ERBB4: variants seen among roughly 807,000 people sequenced by gnomAD.
ERBB4 encodes erb-b2 receptor tyrosine kinase 4, also known as receptor tyrosine-protein kinase erbB-4.
A neutral mutation model predicts 158.0 loss-of-function variants in ERBB4; 42 were observed. That is an observed-to-expected ratio of 0.27 (90% CI 0.21 to 0.34). The LOEUF (loss-of-function observed/expected upper bound fraction) is 0.34, where lower values mean the gene tolerates loss of function less well. ERBB4 is among the 10% of genes least tolerant of loss of function. The probability of loss-of-function intolerance (pLI) is 1.00; values close to 1 mark genes in which losing one functional copy is unlikely to be tolerated. For missense variants in ERBB4, 1,333 were observed against 1,624.1 expected, an observed-to-expected ratio of 0.82 and a Z score of 3.08; for synonymous variants, 583 against 558.7, an observed-to-expected ratio of 1.04 and a Z score of -0.61.
intron 20 of ERBB4, among the ~76,000 whole-genome samples, chr2:211,539,608 T>C (rs898513042): frequency 1.3e-5 from 2 of 152,012 alleles, no homozygotes; most frequent in African/African-American, 4.8e-5. Flanking sequence ...CTGCCTTCTA[T>C]AATATTCAAG....
intron 1 of ERBB4, among the ~76,000 whole-genome samples, chr2:212,299,253 T>A (rs892306737): frequency 6.6e-6 from 1 of 151,648 alleles, no homozygotes. Context: ...CAGCTCATAA[T>A]GACACCAATT....
intron 1 of ERBB4, among the ~76,000 whole-genome samples, chr2:212,498,687 T>C (rs1230211035): frequency 2.0e-5 from 3 of 152,100 alleles, no homozygotes; most frequent in Non-Finnish European, 4.4e-5. Flanking sequence ...TTAGACATTT[T>C]GGGAAATACA....
chr2:211,469,720 G>A (rs75344028), intron 20 of ERBB4, among the ~76,000 whole-genome samples: 2,011 of 152,206 alleles, frequency 0.013, 22 homozygotes, highest in Non-Finnish European at 0.021. Context: ...TAACTAAATC[G>A]CATCTTAGTC....
At chr2:212,146,045 C>T (rs2080660858) in intron 1 of ERBB4, among the ~76,000 whole-genome samples, 1 of 152,136 alleles carries the variant, frequency 6.6e-6, no homozygotes, top group African/African-American at 2.4e-5. Context: ...TTACTCCTCC[C>T]TTTCTCATAA....
intron 1 of ERBB4, among the ~76,000 whole-genome samples, chr2:212,239,085 G>C (rs978655594): frequency 1.3e-5 from 2 of 152,162 alleles, no homozygotes; most frequent in African/African-American, 4.8e-5. Context: ...ATAGGGTCTT[G>C]CTCTGTTGCC....
chr2:212,412,530 G>A (rs1441213554), intron 1 of ERBB4, among the ~76,000 whole-genome samples: 2 of 152,164 alleles, frequency 1.3e-5, no homozygotes, highest in African/African-American at 4.8e-5. Flanking sequence ...CAGAAGCTGA[G>A]CAGATGCCAG....
At chr2:212,528,907 T>C (rs2106336036) in intron 1 of ERBB4, among the ~76,000 whole-genome samples, 1 of 152,356 alleles carries the variant, frequency 6.6e-6, no homozygotes, top group African/African-American at 2.4e-5. Context: ...TTGTCTATTT[T>C]AAGATACTGA....
At chr2:212,207,478 A>T (rs1343607684) in intron 1 of ERBB4, among the ~76,000 whole-genome samples, 1 of 152,242 alleles carries the variant, frequency 6.6e-6, no homozygotes, top group Non-Finnish European at 1.5e-5. Context: ...TACACAACAT[A>T]TTAAGAGTGA....
intron 20 of ERBB4, among the ~76,000 whole-genome samples, chr2:211,466,027 C>T (rs1263993379): frequency 6.6e-6 from 1 of 152,106 alleles, no homozygotes; most frequent in East Asian, 1.9e-4. Flanking sequence ...TGTTTGGAAG[C>T]ATTTTGTCAT....
chr2:212,141,235 A>G (rs1478354315), intron 1 of ERBB4, among the ~76,000 whole-genome samples: 1 of 151,978 alleles, frequency 6.6e-6, no homozygotes, highest in Non-Finnish European at 1.5e-5. Flanking sequence ...TTATATTAGA[A>G]GTCCATGACA....
At chr2:211,819,310 T>G (rs2076942771) in intron 3 of ERBB4, among the ~76,000 whole-genome samples, 1 of 151,918 alleles carries the variant, frequency 6.6e-6, no homozygotes, top group Non-Finnish European at 1.5e-5. Context: ...TAGAAAACAC[T>G]AACTAAATTA....
At chr2:212,139,366 T>C (rs2080371218) in intron 1 of ERBB4, among the ~76,000 whole-genome samples, 1 of 152,094 alleles carries the variant, frequency 6.6e-6, no homozygotes, top group Non-Finnish European at 1.5e-5. Flanking sequence ...TTTGCATTTT[T>C]ATGCTACAGT....
At chr2:211,815,797 C>T (rs2076870394) in intron 3 of ERBB4, among the ~76,000 whole-genome samples, 1 of 152,150 alleles carries the variant, frequency 6.6e-6, no homozygotes, top group Non-Finnish European at 1.5e-5. Context: ...ATATAATCAT[C>T]TGCCAGCGCA....
Position 211,953,992 on chromosome 2 carries a change from G to A in ERBB4, c.235-6376C>T, listed in dbSNP as rs371526228. Among the ~76,000 whole-genome samples, 24 of 152,070 alleles carry A rather than the reference G, an allele frequency of 1.6e-4. No individual in the cohort carries two copies. The East Asian group carries it at 3.9e-3, about 24-fold the overall frequency. Reference sequence around the variant, plus strand: ...TGTCCCTCAATCAAAGATTAGATGGGACGGTATTGGCTCACTGGGTTATCC... The same window carrying A: ...TGTCCCTCAATCAAAGATTAGATGGAACGGTATTGGCTCACTGGGTTATCC... On this transcript the variant is annotated intron_variant, in intron 2 of 27. Coordinates refer to ENST00000342788, the MANE Select transcript of ERBB4 (RefSeq NM_005235.3).
intron 2 of ERBB4, among the ~76,000 whole-genome samples, chr2:212,098,433 C>A (rs2078991082): frequency 6.6e-6 from 1 of 152,066 alleles, no homozygotes. Context: ...AATGGGAAAG[C>A]TGAATGTTTG....
chr2:212,124,857 T>G lies in ERBB4; in HGVS notation c.129A>C (p.Glu43Asp). 6.2e-7 allele frequency: 1 copy of G among 1,614,180 alleles called. No homozygotes were observed. The highest frequency in any genetic ancestry group is 8.5e-7 in the Non-Finnish European group (1 of 1,180,016). ...ACTTGCGCAAGGCTCGGTACTGCTG[T>G]TCCAGGTCAGAGAGAGAGCTCAGTT... ...ENKLSSLSDL[E>D]QQYRALRKYY... The change falls in exon 2 of 28, where the codon GAA becomes GAC. Residue 43 changes from glutamate to aspartate, a missense_variant. Coordinates refer to ENST00000342788, the MANE Select transcript of ERBB4 (RefSeq NM_005235.3).
At chr2:211,705,891 T>A (rs1410592912) in intron 9 of ERBB4, among the ~76,000 whole-genome samples, 1 of 152,208 alleles carries the variant, frequency 6.6e-6, no homozygotes, top group Non-Finnish European at 1.5e-5. Flanking sequence ...TACATTTATC[T>A]ACTTGTGAAT....
intron 20 of ERBB4, among the ~76,000 whole-genome samples, chr2:211,449,062 A>T (rs1429790974): frequency 2.0e-5 from 3 of 152,102 alleles, no homozygotes; most frequent in Admixed American, 6.5e-5. Context: ...TTATGTCTAG[A>T]TATTAATACT....
rs1340163967 is a variant in ERBB4 at position 212,247,005 on chromosome 2, TGA to T, written c.83-122104_83-122103del. Among the ~76,000 whole-genome samples the T allele has an allele frequency of 7.9e-5, 12 of 152,286 alleles. No homozygotes were observed. In the East Asian group the frequency reaches 2.1e-3, roughly 27 times the overall value. On this transcript the variant is annotated intron_variant, in intron 1 of 27. Transcript: ENST00000342788. ...TTTCTGGTTCAAATCTCTGAAAATG[TGA>T]GTCATTCAAAAATCATGTTGATTAA...
Sources: gnomAD v4.1 joint callset for allele counts (sites outside exome capture counted in the v4.1 genomes callset) on GRCh38, gnomAD v4.1.1 for gene constraint, MANE v1.5 for transcripts, NCBI Gene and HGNC (gene_info 2026-07-23, HGNC 2026-07-21) for gene names.